Variants in IL1RAP observed in about 807,000 individuals in gnomAD.
IL1RAP encodes the protein interleukin-1 receptor accessory protein.
A neutral mutation model predicts 60.7 loss-of-function variants in IL1RAP; 35 were observed. That is an observed-to-expected ratio of 0.58 (90% CI 0.44 to 0.76). The LOEUF is 0.76. Among genes scored for constraint, IL1RAP ranks in the 30% least tolerant of loss-of-function variants. The pLI, the probability that IL1RAP is intolerant of heterozygous loss-of-function variation, is 0.00. For missense variants in IL1RAP, 572 were observed against 693.9 expected, an observed-to-expected ratio of 0.82 and a Z score of 1.97; for synonymous variants, 268 against 250.9, an observed-to-expected ratio of 1.07 and a Z score of -0.64.
At chr3:190,559,945 T>C (rs1479112153) in intron 2 of IL1RAP, among the ~76,000 whole-genome samples, 3 of 152,216 alleles carry the variant, frequency 2.0e-5, no homozygotes, top group African/African-American at 2.4e-5. Flanking sequence ...GAGTCTTCCA[T>C]GTCACTTTGC....
chr3:190,549,291 C>T (rs1340163970), intron 1 of IL1RAP, among the ~76,000 whole-genome samples: 1 of 152,144 alleles, frequency 6.6e-6, no homozygotes, highest in Non-Finnish European at 1.5e-5. Context: ...TCTCTAGGGA[C>T]CCCTTTACAC....
At chr3:190,633,482 G>C in intron 9 of IL1RAP, among the ~76,000 whole-genome samples, 1 of 151,988 alleles carries the variant, frequency 6.6e-6, no homozygotes, top group East Asian at 1.9e-4. Context: ...TCAGCCTCCA[G>C]AGTAGCTGCG....
chr3:190,581,368 GA>G (rs1727982968), intron 3 of IL1RAP, among the ~76,000 whole-genome samples: 1 of 152,162 alleles, frequency 6.6e-6, no homozygotes, highest in African/African-American at 2.4e-5. Flanking sequence ...AGCAAATCAG[GA>G]AGCAGAAGCT....
chr3:190,597,253 A>G (rs1358311752), intron 3 of IL1RAP, among the ~76,000 whole-genome samples: 1 of 152,218 alleles, frequency 6.6e-6, no homozygotes, highest in Non-Finnish European at 1.5e-5. Flanking sequence ...TATGTAAGGA[A>G]CAAATGCTTT....
chr3:190,546,772 C>T (rs2108577241), intron 1 of IL1RAP, among the ~76,000 whole-genome samples: 1 of 152,284 alleles, frequency 6.6e-6, no homozygotes, highest in African/African-American at 2.4e-5. Context: ...GAGCCCTATG[C>T]AAATTGGAGA....
intron 2 of IL1RAP, among the ~76,000 whole-genome samples, chr3:190,556,434 C>A (rs1725436770): frequency 6.6e-6 from 1 of 151,964 alleles, no homozygotes; most frequent in South Asian, 2.1e-4. Flanking sequence ...TCACATGTCA[C>A]ATCCTTTGAT....
At position 190,651,234 on chromosome 3, in the gene IL1RAP, A is replaced by G. The variant is rs1321660030; in HGVS notation, c.*2529A>G. 9.2e-6 allele frequency: 9 copies of G among 979,106 alleles called. No homozygotes were observed. In the African/African-American group the frequency reaches 1.4e-4, roughly 15 times the overall value. 60.7% of individuals were successfully genotyped at this position (979,106 alleles called of 1,614,324 possible). On this transcript the variant is annotated 3_prime_UTR_variant, in exon 12 of 12. Transcript: ENST00000447382. ...ACGTTCCATGCCCAGGTTAACAAAG[A>G]ACTGTGATATATAGAGTGTCTAATT...
intron 1 of IL1RAP, chr3:190,518,831 C>A (rs1721760719): frequency 6.6e-6 from 1 of 152,248 alleles, no homozygotes; most frequent in Non-Finnish European, 1.5e-5. Flanking sequence ...AATCATCTCC[C>A]ACTGGGTCCC....
intron 9 of IL1RAP, among the ~76,000 whole-genome samples, chr3:190,635,779 T>G (rs1201887360): frequency 1.3e-5 from 2 of 152,092 alleles, no homozygotes; most frequent in Non-Finnish European, 2.9e-5. Flanking sequence ...ATGTAAAAAA[T>G]TAGAAAAAAA....
downstream of IL1RAP, chr3:190,651,640 C>A (rs1208797247): frequency 1.3e-5 from 2 of 153,916 alleles, no homozygotes; most frequent in African/African-American, 4.8e-5. Context: ...AGTTAAGTGT[C>A]TTTCTGAGAT....
At chr3:190,617,877 G>C (rs1328988890) in intron 5 of IL1RAP, among the ~76,000 whole-genome samples, 7 of 152,142 alleles carry the variant, frequency 4.6e-5, no homozygotes, top group Non-Finnish European at 8.8e-5. Context: ...CCTCACACAC[G>C]TATTAGAATG....
chr3:190,625,708 A>G (rs1406565778), intron 7 of IL1RAP, among the ~76,000 whole-genome samples: 1 of 152,228 alleles, frequency 6.6e-6, no homozygotes, highest in East Asian at 1.9e-4. Flanking sequence ...AAAAATCAAG[A>G]TAAGTTTGAA....
rs190236009 is a variant in IL1RAP at position 190,623,111 on chromosome 3, G to A, written c.704-233G>A. ...ACACAGGAAATCACAGGGGATTTAG[G>A]AGCCCATGTCAGGAACTGGGAGCAG... On this transcript the variant is annotated intron_variant, in intron 6 of 11. Transcript: ENST00000447382. Among the ~76,000 whole-genome samples the A allele has an allele frequency of 2.7e-4, 41 of 152,270 alleles. 1 individual carries two copies. In the East Asian group the frequency reaches 5.6e-3, roughly 21 times the overall value.
At chr3:190,606,398 A>AT (rs1730327339) in intron 4 of IL1RAP, among the ~76,000 whole-genome samples, 1 of 152,218 alleles carries the variant, frequency 6.6e-6, no homozygotes, top group Non-Finnish European at 1.5e-5. Flanking sequence ...GAGAGTTGGC[A>AT]TACATGCTTG....
At chr3:190,629,608 C>A in intron 9 of IL1RAP, 110 bp downstream of exon 9, 2 of 1,434,818 alleles carry the variant, frequency 1.4e-6, no homozygotes, top group East Asian at 2.5e-5. Flanking sequence ...AGCCCGACGG[C>A]ATCTAACCCA....
At chr3:190,599,721 G>T (rs1729694999) in intron 3 of IL1RAP, among the ~76,000 whole-genome samples, 1 of 144,236 alleles carries the variant, frequency 6.9e-6, no homozygotes, top group Non-Finnish European at 1.5e-5. Flanking sequence ...TTTTTTGAAA[G>T]GTGTGGTGCA....
rs1726226175 is a variant in IL1RAP at position 190,564,751 on chromosome 3, G to T, written c.64+398G>T. 2.1e-5 allele frequency: 4 copies of T among 191,976 alleles called. No individual in the cohort carries two copies. In the Admixed American group the frequency reaches 2.1e-4, roughly 10 times the overall value. 11.9% of individuals were successfully genotyped at this position (191,976 alleles called of 1,614,324 possible). On this transcript the variant is annotated intron_variant, in intron 3 of 11. Transcript: ENST00000447382. ...ATCAGTGGTAATAATCCATTGAGAT[G>T]TTAAATAAAATAATGAGTTTTTGTC...
At chr3:190,531,555 C>A (rs931656283) in intron 1 of IL1RAP, among the ~76,000 whole-genome samples, 1 of 152,164 alleles carries the variant, frequency 6.6e-6, no homozygotes, top group African/African-American at 2.4e-5. Context: ...CAGCACTTCC[C>A]GGCACATACT....
At chr3:190,642,442 A>G (rs1253947004) in intron 9 of IL1RAP, 2 of 152,492 alleles carry the variant, frequency 1.3e-5, no homozygotes, top group African/African-American at 4.8e-5. Flanking sequence ...TGTATGATCA[A>G]TAATTGAGCT....
Sources: gnomAD v4.1 joint callset for allele counts (sites outside exome capture counted in the v4.1 genomes callset) on GRCh38, gnomAD v4.1.1 for gene constraint, MANE v1.5 for transcripts, NCBI Gene and HGNC (gene_info 2026-07-23, HGNC 2026-07-21) for gene names.